Variants in FBXO34 observed in about 807,000 individuals in gnomAD.
FBXO34 encodes the protein F-box protein 34.
A neutral mutation model predicts 24.5 loss-of-function variants in FBXO34; 12 were observed. The ratio of observed to expected loss-of-function variants is 0.49; its 90% CI spans 0.31 to 0.79. The LOEUF (loss-of-function observed/expected upper bound fraction) is 0.79. Ranked by LOEUF, FBXO34 falls within the 30% of genes least tolerant of loss-of-function variation. The pLI, the probability that FBXO34 is intolerant of heterozygous loss-of-function variation, is 0.04. For missense variants in FBXO34, 823 were observed against 857.7 expected, an observed-to-expected ratio of 0.96 and a Z score of 0.51; for synonymous variants, 320 against 311.9, an observed-to-expected ratio of 1.03 and a Z score of -0.27.
At chr14:55,309,657 C>T (rs10129505) in intron 1 of FBXO34, among the ~76,000 whole-genome samples, 45,218 of 152,024 alleles carry the variant, frequency 0.3, 7,108 homozygotes, top group Non-Finnish European at 0.34. Context: ...AACATTAGTG[C>T]ATTCACTGCT....
At chr14:55,393,253 T>C in the FBXO34 span, among the ~76,000 whole-genome samples, 3,871 of 151,790 alleles carry the variant, frequency 0.026, 68 homozygotes, top group Admixed American at 0.058. Context: ...GGCGTGGTGG[T>C]GGGCGCCTGT....
At chr14:55,402,496 T>C in the FBXO34 span, among the ~76,000 whole-genome samples, 2 of 152,062 alleles carry the variant, frequency 1.3e-5, no homozygotes, top group Non-Finnish European at 2.9e-5. Flanking sequence ...TCAGTCCTAA[T>C]AGCAAGAAAC....
chr14:55,395,007 T>C, the FBXO34 span: 2 of 461,834 alleles, frequency 4.3e-6, no homozygotes, highest in Non-Finnish European at 4.4e-6. Flanking sequence ...TCTTGTTTTC[T>C]GCAGGTAAAT....
the FBXO34 span, chr14:55,397,306 C>T: frequency 1.5e-6 from 2 of 1,317,590 alleles, no homozygotes; most frequent in Non-Finnish European, 2.2e-6. Context: ...CATACCACAG[C>T]ACTGAATTCA....
rs1347403881 is a variant in FBXO34, at chr14:55,352,691, A to G, written c.*165A>G. The G allele has an allele frequency of 3.1e-6, 2 of 652,734 alleles. No individual in the cohort carries two copies. The highest frequency in any genetic ancestry group is 2.5e-6 in the Non-Finnish European group (1 of 401,496). The allele number at this position is 652,734 out of a possible 1,614,324, so 40.4% of individuals were successfully genotyped here. ...TCTAAACTCTAAATTTACGAGCTGT[A>G]CAAAAAAATTGGTCTTGTTGTTTAT... is the stretch of plus-strand genomic sequence containing the variant. On this transcript the variant is annotated 3_prime_UTR_variant, in exon 2 of 2. Coordinates refer to ENST00000313833, the MANE Select transcript of FBXO34 (RefSeq NM_017943.4).
At chr14:55,411,939 T>TCCG in the FBXO34 span, 2 of 937,318 alleles carry the variant, frequency 2.1e-6, no homozygotes, top group African/African-American at 1.7e-5. Flanking sequence ...CCCGGACCCC[T>TCCG]CCGCCGCCGC....
At chr14:55,323,563 A>G (rs1308438802) in intron 1 of FBXO34, among the ~76,000 whole-genome samples, 1 of 151,574 alleles carries the variant, frequency 6.6e-6, no homozygotes, top group Non-Finnish European at 1.5e-5. Context: ...TTGCATTTTT[A>G]GTAGAGACGG....
At chr14:55,429,443 A>G in the FBXO34 span, among the ~76,000 whole-genome samples, 1 of 152,162 alleles carries the variant, frequency 6.6e-6, no homozygotes, top group African/African-American at 2.4e-5. Context: ...GGAACCATTC[A>G]TCCAGTCTCA....
chr14:55,367,632 T>C (rs1436449004), exon 3 of FBXO34: 1 of 152,122 alleles, frequency 6.6e-6, no homozygotes, highest in Non-Finnish European at 1.5e-5. Context: ...TAATCCCAGC[T>C]ACTCGGGAGG....
intron 1 of FBXO34, among the ~76,000 whole-genome samples, chr14:55,342,324 A>T (rs978244153): frequency 7.2e-5 from 11 of 152,180 alleles, no homozygotes; most frequent in Non-Finnish European, 1.0e-4. Flanking sequence ...CTCAGTATCC[A>T]TTAACAGACA....
At chr14:55,380,875 A>ATTTTTTTTTTTTT in the FBXO34 span, among the ~76,000 whole-genome samples, 2 of 112,732 alleles carry the variant, frequency 1.8e-5, no homozygotes, top group Non-Finnish European at 3.5e-5. Flanking sequence ...ATATATATAT[A>ATTTTTTTTTTTTT]TTTTTTTTTT....
the FBXO34 span, among the ~76,000 whole-genome samples, chr14:55,436,287 A>G: frequency 6.6e-6 from 1 of 152,202 alleles, no homozygotes; most frequent in Non-Finnish European, 1.5e-5. Flanking sequence ...ATTTTCAGCA[A>G]CTACAGTGCT....
chr14:55,311,005 A>G (rs1010467199), intron 1 of FBXO34, among the ~76,000 whole-genome samples: 6 of 152,174 alleles, frequency 3.9e-5, no homozygotes, highest in Admixed American at 3.9e-4. Context: ...ATGCTGTTTG[A>G]TTGCATTAAA....
chr14:55,429,766 C>CAAAAAAAAAAAAA, the FBXO34 span, among the ~76,000 whole-genome samples: 2 of 52,392 alleles, frequency 3.8e-5, no homozygotes, highest in Non-Finnish European at 6.5e-5. Context: ...AACTCCGTCT[C>CAAAAAAAAAAAAA]AAAAAAAAAA....
At chr14:55,391,960 A>G in the FBXO34 span, among the ~76,000 whole-genome samples, 3 of 152,220 alleles carry the variant, frequency 2.0e-5, no homozygotes, top group Non-Finnish European at 4.4e-5. Context: ...TTGACTCTTT[A>G]TATTACCAGG....
chr14:55,423,198 T>A, the FBXO34 span, among the ~76,000 whole-genome samples: 8,893 of 152,324 alleles, frequency 0.058, 337 homozygotes, highest in Non-Finnish European at 0.085. Flanking sequence ...AGTAGTGAGA[T>A]AATTTTTACA....
chr14:55,386,481 A>G, the FBXO34 span, among the ~76,000 whole-genome samples: 2 of 152,214 alleles, frequency 1.3e-5, no homozygotes, highest in Non-Finnish European at 2.9e-5. Flanking sequence ...TGATTTCCCT[A>G]GAAACTTCTT....
chr14:55,398,708 G>A, the FBXO34 span, among the ~76,000 whole-genome samples: 26 of 152,152 alleles, frequency 1.7e-4, 1 homozygote, highest in African/African-American at 5.3e-4. Flanking sequence ...AGTTCCACGC[G>A]TACTTGAAAT....
rs1884399348 is a variant in FBXO34, at chr14:55,351,902, G to A, written c.1512G>A (p.Glu504=). 6.2e-7 allele frequency: 1 copy of A among 1,614,154 alleles called. No homozygotes were observed. Among genetic ancestry groups the A allele is most frequent in the Non-Finnish European group, 8.5e-7 (1 of 1,180,046 alleles). ...AGTTGAATGAAAGCACAACAAAAGA[G>A]TCTTCAGAGGCCAGCCAGCTTGAAG... is the stretch of plus-strand genomic sequence containing the variant. The part of the protein sequence containing the change: ...YSQLNESTTK[E]SSEASQLEDA... The change falls in exon 2 of 2, where the codon GAG becomes GAA. Residue 504 remains glutamate, a synonymous_variant. Transcript: ENST00000313833.
Sources: allele counts gnomAD v4.1 joint callset (sites outside exome capture counted in the v4.1 genomes callset), GRCh38; gene constraint gnomAD v4.1.1; transcripts MANE v1.5; gene names NCBI Gene and HGNC (gene_info 2026-07-23, HGNC 2026-07-21).